Variants in MYL10 observed in about 807,000 individuals in gnomAD.
MYL10 encodes myosin light chain 10.
MYL10 carries 18 observed loss-of-function variants against 21.9 expected under a neutral mutation model. The ratio of observed to expected loss-of-function variants is 0.82; its 90% CI spans 0.57 to 1.22. The LOEUF (loss-of-function observed/expected upper bound fraction) is 1.22. Ranked by LOEUF, MYL10 falls within the 50% of genes most tolerant of loss-of-function variation. MYL10 has a pLI of 0.00. For synonymous variants in MYL10, 88 were observed against 82.8 expected (o/e 1.06, Z -0.34); for missense variants, 225 against 230.4 (o/e 0.98, Z 0.15).
chr7:101,623,726 T>A, intron 3 of MYL10, among the ~76,000 whole-genome samples, 194 bp downstream of exon 3: 1 of 147,820 alleles, frequency 6.8e-6, no homozygotes, highest in Non-Finnish European at 1.5e-5. Flanking sequence ...AACCTAATCA[T>A]TTAAAAATGT....
In MYL10 at chr7:101,616,295, G is replaced by T; in HGVS notation, c.458C>A (p.Thr153Lys). 2 of 1,613,678 alleles carry T rather than the reference G, an allele frequency of 1.2e-6. No homozygotes were observed. Among genetic ancestry groups the T allele is most frequent in the South Asian group, 1.1e-5 (1 of 91,042 alleles). Residue 153 changes from threonine (T) to lysine (K), a missense_variant, in exon 6 of 8, where the codon ACG becomes AAG. Coordinates refer to ENST00000223167, the MANE Select transcript of MYL10 (RefSeq NM_138403.5). ...LTMFGEKLKG[T>K]DPEETILHAF... ...GTGGAGAATGGTCTCCTCTGGGTCC[G>T]TGCCTATAAGCAGCACATACAGGGC...
chr7:101,624,901 G>A lies in MYL10; in HGVS notation c.79-637C>T, dbSNP rs573079111. On this transcript the variant is annotated intron_variant, in intron 1 of 7. Coordinates refer to ENST00000223167, the MANE Select transcript of MYL10 (RefSeq NM_138403.5). ...GGCTCAGCTCCCTGTCACCTCCTCC[G>A]AGAAGCCTTCCCTGACCCCAGGCCA... Among the ~76,000 whole-genome samples the A allele has an allele frequency of 2.0e-5, 3 of 151,998 alleles. No individual in the cohort carries two copies. In the South Asian group the frequency reaches 6.3e-4, roughly 32 times the overall value.
At chr7:101,621,664 C>T (rs907799382) in intron 5 of MYL10, among the ~76,000 whole-genome samples, 4 of 152,224 alleles carry the variant, frequency 2.6e-5, no homozygotes, top group Admixed American at 2.0e-4. Flanking sequence ...TCTCGGCTCA[C>T]TGCAACCTTC....
chr7:101,619,416 G>A lies in MYL10; in HGVS notation c.454+2680C>T, dbSNP rs574312128. 4.9e-4 allele frequency among the ~76,000 whole-genome samples: 74 copies of A among 152,230 alleles called. 1 individual carries two copies. The South Asian group carries it at 0.013, about 27-fold the overall frequency. On this transcript the variant is annotated intron_variant, in intron 5 of 7. Coordinates refer to ENST00000223167, the MANE Select transcript of MYL10 (RefSeq NM_138403.5). Reference sequence around the variant, plus strand: ...CCAGCCCTGGGTTTCCTCATCTCTCGCACCCAGGCTGATGGCTGCCTTCCT... The same window carrying A: ...CCAGCCCTGGGTTTCCTCATCTCTCACACCCAGGCTGATGGCTGCCTTCCT...
At chr7:101,613,634 G>T in intron 7 of MYL10, 28 bp downstream of exon 7, 1 of 1,613,986 alleles carries the variant, frequency 6.2e-7, no homozygotes, top group Non-Finnish European at 8.5e-7. Flanking sequence ...CAGAGAATCC[G>T]CCGTGACCCA....
chr7:101,615,755 C>T (rs998898081), intron 6 of MYL10, among the ~76,000 whole-genome samples: 1 of 144,752 alleles, frequency 6.9e-6, no homozygotes, highest in African/African-American at 2.6e-5. Flanking sequence ...AGTGCAATGG[C>T]GTGATCTCGG....
In MYL10 at chr7:101,613,441, G is replaced by C; in HGVS notation, c.*34C>G. ...CCTGTCACACCCCACAACAGTGTTTGCTGCCCCTGAATGTCGGGGAGACTT... is the reference window on the plus strand; with the variant it reads ...CCTGTCACACCCCACAACAGTGTTTCCTGCCCCTGAATGTCGGGGAGACTT... On this transcript the variant is annotated 3_prime_UTR_variant, in exon 8 of 8. Coordinates refer to ENST00000223167, the MANE Select transcript of MYL10 (RefSeq NM_138403.5). 1 of 1,574,418 alleles carries C rather than the reference G, an allele frequency of 6.4e-7. No homozygotes were observed. Among genetic ancestry groups the C allele is most frequent in the South Asian group, 1.1e-5 (1 of 90,376 alleles).
chr7:101,614,792 C>T (rs958663182), intron 6 of MYL10, among the ~76,000 whole-genome samples: 1 of 152,178 alleles, frequency 6.6e-6, no homozygotes, highest in African/African-American at 2.4e-5. Context: ...TCCACCTCCA[C>T]CCCTGCTGCG....
intron 5 of MYL10, among the ~76,000 whole-genome samples, chr7:101,620,047 C>T (rs1341779607): frequency 6.6e-6 from 1 of 151,966 alleles, no homozygotes; most frequent in African/African-American, 2.4e-5. Flanking sequence ...AGAGTCCAGG[C>T]GCGAGGGCTC....
chr7:101,623,041 C>G lies in MYL10; in HGVS notation c.305G>C (p.Gly102Ala). Reference protein sequence around the residue: ...AFTIMDQNRDGFIDKEDLRDT... With the variant: ...AFTIMDQNRDAFIDKEDLRDT... ...CCTCAAGTCCTCTTTGTCGATGAAG[C>G]CATCACGGTTCTGGTCCATGATGGT... Residue 102 changes from glycine (G) to alanine (A), a missense_variant, in exon 4 of 8, where the codon GGC becomes GCC. Transcript: ENST00000223167. 1.2e-6 allele frequency: 2 copies of G among 1,614,070 alleles called. No individual in the cohort carries two copies. Among genetic ancestry groups the G allele is most frequent in the Non-Finnish European group, 1.7e-6 (2 of 1,180,010 alleles).
At chr7:101,618,903 T>A (rs1305514024) in intron 5 of MYL10, among the ~76,000 whole-genome samples, 3 of 152,190 alleles carry the variant, frequency 2.0e-5, no homozygotes, top group African/African-American at 7.2e-5. Flanking sequence ...AATCTTCCCA[T>A]CTGCGAAACA....
rs876825 is a variant in MYL10 at position 101,624,155 on chromosome 7, T to C, written c.171+17A>G. The C allele has an allele frequency of 0.56, 861,577 of 1,532,892 alleles. 247,685 individuals are homozygous for C. The highest frequency in any genetic ancestry group is 0.59 in the Non-Finnish European group (657,861 of 1,109,088). The allele number at this position is 1,532,892 out of a possible 1,614,324, so 95.0% of individuals were successfully genotyped here. A position where few individuals can be genotyped will look rare whatever the true frequency, so the allele number is the denominator to read the frequency against. On this transcript the variant is annotated intron_variant, in intron 2 of 7. Transcript: ENST00000223167. ...TCCAAGAATCCTCATAACAGCCCCA[T>C]GGGGCAGCAGACCAACCTCTTTAAA...
At chr7:101,614,078 C>G (rs561139649) in intron 6 of MYL10, among the ~76,000 whole-genome samples, 25 of 152,346 alleles carry the variant, frequency 1.6e-4, no homozygotes, top group Non-Finnish European at 3.2e-4. Context: ...CACACTCTTT[C>G]CTCCAGCTTG....
In MYL10 at chr7:101,624,038, T is replaced by A. The variant is rs1340377582; in HGVS notation, c.172-17A>T. 3 of 564,922 alleles carry A rather than the reference T, an allele frequency of 5.3e-6. No individual in the cohort carries two copies. Among genetic ancestry groups the A allele is most frequent in the Non-Finnish European group, 9.6e-6 (3 of 313,156 alleles). 35.0% of individuals were successfully genotyped at this position (564,922 alleles called of 1,614,324 possible). ...AGCCAGACTCTGTCAAACAAACAAA[T>A]AATAATAATAATAATAGTAATAATG... is the stretch of plus-strand genomic sequence containing the variant. On this transcript the variant is annotated splice_polypyrimidine_tract_variant and intron_variant, in intron 2 of 7. Coordinates refer to ENST00000223167, the MANE Select transcript of MYL10 (RefSeq NM_138403.5).
rs113933964 is a variant in MYL10, at chr7:101,628,759, G to A, written c.78+282C>T. ...CTGGGTTCAGGCAGTGAGCCCACGG[G>A]TCCCCAGGGGCTGGAGAGCTTAACT... On this transcript the variant is annotated intron_variant, in intron 1 of 7. Coordinates refer to ENST00000223167, the MANE Select transcript of MYL10 (RefSeq NM_138403.5). 7.0e-3 allele frequency among the ~76,000 whole-genome samples: 1,059 copies of A among 152,340 alleles called. 12 individuals are homozygous for A. The highest frequency in any genetic ancestry group is 0.024 in the African/African-American group (1,008 of 41,578).
At chr7:101,627,848 G>A (rs947128313) in intron 1 of MYL10, among the ~76,000 whole-genome samples, 3 of 152,260 alleles carry the variant, frequency 2.0e-5, no homozygotes, top group African/African-American at 7.2e-5. Context: ...GAGCCGTCAG[G>A]GAGTGTTGCC....
chr7:101,622,379 G>A (rs1796690878), intron 4 of MYL10, among the ~76,000 whole-genome samples, 179 bp from the exon 5 acceptor site: 1 of 152,116 alleles, frequency 6.6e-6, no homozygotes, highest in Non-Finnish European at 1.5e-5. Flanking sequence ...GCTTCCGGCT[G>A]CCCCCAGCCT....
At chr7:101,625,636 T>A (rs1184268957) in intron 1 of MYL10, among the ~76,000 whole-genome samples, 14 of 152,026 alleles carry the variant, frequency 9.2e-5, no homozygotes, top group Admixed American at 9.2e-4. Context: ...GGCTGACTTA[T>A]AATTAGCTTT....
intron 6 of MYL10, among the ~76,000 whole-genome samples, chr7:101,614,080 T>C (rs1796581386): frequency 1.3e-5 from 2 of 152,172 alleles, no homozygotes; most frequent in African/African-American, 4.8e-5. Flanking sequence ...CACTCTTTCC[T>C]CCAGCTTGTG....
Sources: gnomAD v4.1 joint callset for allele counts (sites outside exome capture counted in the v4.1 genomes callset) on GRCh38, gnomAD v4.1.1 for gene constraint, MANE v1.5 for transcripts, NCBI Gene and HGNC (gene_info 2026-07-23, HGNC 2026-07-21) for gene names.